CD6: variants seen among roughly 807,000 people sequenced by gnomAD.
The protein encoded by CD6 is CD6 molecule.
In CD6, 53 loss-of-function variants were observed where a neutral mutation model predicts 75.3. The ratio of observed to expected loss-of-function variants is 0.70; its 90% CI spans 0.56 to 0.88. The LOEUF (loss-of-function observed/expected upper bound fraction) is 0.88. Ranked by LOEUF, CD6 falls within the 40% of genes least tolerant of loss-of-function variation. CD6 has a pLI of 0.00. For missense variants in CD6, 770 were observed against 897.1 expected, an observed-to-expected ratio of 0.86 and a Z score of 1.81; for synonymous variants, 359 against 381.5, an observed-to-expected ratio of 0.94 and a Z score of 0.69.
At chr11:61,012,686 C>G (rs1859206810) in intron 6 of CD6, among the ~76,000 whole-genome samples, 1 of 152,144 alleles carries the variant, frequency 6.6e-6, no homozygotes, top group Non-Finnish European at 1.5e-5. Context: ...CATTCTTGTG[C>G]TTCACATTCT....
In CD6 at chr11:61,018,402, AT is replaced by A; in HGVS notation, c.1942+10del. 6.3e-7 allele frequency: 1 copy of A among 1,576,724 alleles called. No homozygotes were observed. The highest frequency in any genetic ancestry group is 1.8e-5 in the Admixed American group (1 of 55,028). ...GCAGTTTGGCTGTCCAGGTGCCAAT[AT>A]CTGGGGAAGGGATGTGGGAGGGGGA... On this transcript the variant is annotated intron_variant, in intron 12 of 12. Coordinates refer to ENST00000313421, the MANE Select transcript of CD6 (RefSeq NM_006725.5).
At chr11:60,998,934 G>A (rs576926814) in intron 1 of CD6, among the ~76,000 whole-genome samples, 114 of 151,884 alleles carry the variant, frequency 7.5e-4, no homozygotes, top group African/African-American at 2.6e-3. Context: ...CAAGGCAGGC[G>A]GATCACCTGA....
chr11:60,979,771 C>T (rs118145034), intron 1 of CD6, among the ~76,000 whole-genome samples: 4,105 of 152,256 alleles, frequency 0.027, 71 homozygotes, highest in South Asian at 0.061. Context: ...TGTGCCTGGC[C>T]TAGGCTCCAT....
intron 1 of CD6, among the ~76,000 whole-genome samples, chr11:61,004,226 A>T (rs143673015): frequency 6.6e-6 from 1 of 152,086 alleles, no homozygotes; most frequent in Non-Finnish European, 1.5e-5. Context: ...AGTCCCTCAC[A>T]CACACTCATA....
chr11:60,996,732 C>T (rs768067769), intron 1 of CD6, among the ~76,000 whole-genome samples: 1 of 152,242 alleles, frequency 6.6e-6, no homozygotes, highest in African/African-American at 2.4e-5. Context: ...CCTGTCCTGG[C>T]AGTGCTCCAG....
chr11:60,993,891 G>T (rs1193968304), intron 1 of CD6, among the ~76,000 whole-genome samples: 1 of 152,206 alleles, frequency 6.6e-6, no homozygotes, highest in East Asian at 1.9e-4. Flanking sequence ...GCTTTCAGGA[G>T]AACATGGCTC....
At chr11:60,978,713 C>A (rs539738313) in intron 1 of CD6, among the ~76,000 whole-genome samples, 10 of 152,294 alleles carry the variant, frequency 6.6e-5, no homozygotes, top group Admixed American at 3.3e-4. Flanking sequence ...ACTGTATCAA[C>A]CCCAGCCGGC....
rs770195748 is a variant in CD6 at position 61,006,576 on chromosome 11, C to T, written c.52C>T (p.His18Tyr). ...TGLLTAALSGHPSPAPPDQLN... is the reference protein window; with the variant it reads ...TGLLTAALSGYPSPAPPDQLN... The stretch of plus-strand genomic sequence containing the variant: ...ATGCTGCTGCTGGTTCATTTCAGGT[C>T]ATCCATCTCCAGCCCCACCTGACCA... The change falls in exon 2 of 13, where the codon CAT (histidine) becomes TAT (tyrosine). Residue 18 changes from histidine (H) to tyrosine (Y), a missense_variant and splice_region_variant. His to Tyr is a moderately conservative substitution (Grantham distance 83, BLOSUM62 2). Coordinates refer to ENST00000313421, the MANE Select transcript of CD6 (RefSeq NM_006725.5). 1.0e-5 allele frequency: 16 copies of T among 1,603,858 alleles called. No individual in the cohort carries two copies. Among genetic ancestry groups the T allele is most frequent in the South Asian group, 5.7e-5 (5 of 88,422 alleles).
Position 61,009,864 on chromosome 11 carries a change from C to G in CD6, c.1074C>G (p.Val358=). The G allele has an allele frequency of 6.4e-7, 1 of 1,558,744 alleles. No individual in the cohort carries two copies. ...GCAGCCAGTCGCTGGCAGCCAGGGT[C>G]CTCTGCTCAGGTACCCCATCCTACT... ...NLCSQSLAAR[V]LCSASRSLHN... Residue 358 remains valine, a synonymous_variant, in exon 5 of 13, where the codon GTC becomes GTG. Transcript: ENST00000313421.
At chr11:61,010,228 C>T (rs768352010) in intron 5 of CD6, among the ~76,000 whole-genome samples, 3 of 152,080 alleles carry the variant, frequency 2.0e-5, no homozygotes, top group Non-Finnish European at 4.4e-5. Context: ...TCGGTGACAG[C>T]TTCTGGAACC....
chr11:61,013,938 C>A lies in CD6; in HGVS notation c.1311C>A (p.Asn437Lys), dbSNP rs758532281. 1 of 1,612,788 alleles carries A rather than the reference C, an allele frequency of 6.2e-7. No individual in the cohort carries two copies. The highest frequency in any genetic ancestry group is 1.1e-5 in the South Asian group (1 of 90,854). The change falls in exon 8 of 13, where the codon AAC (asparagine) becomes AAA (lysine). Residue 437 changes from asparagine to lysine, a missense_variant. By Grantham distance (94) the Asn-to-Lys change is moderately conservative. Coordinates refer to ENST00000313421, the MANE Select transcript of CD6 (RefSeq NM_006725.5). ...KGKYALPVMV[N>K]HQHLPTTIPA... ...CCTCAGCCCTCCCCGTAATGGTGAA[C>A]CACCAGCACCTACCCACCACCATCC...
At chr11:60,997,734 A>T (rs1286175745) in intron 1 of CD6, among the ~76,000 whole-genome samples, 1 of 152,232 alleles carries the variant, frequency 6.6e-6, no homozygotes, top group African/African-American at 2.4e-5. Context: ...TGGCCATTTG[A>T]AAAGGTTTTC....
intron 1 of CD6, among the ~76,000 whole-genome samples, chr11:61,005,365 G>A (rs1270819350): frequency 1.3e-5 from 2 of 152,146 alleles, no homozygotes; most frequent in Non-Finnish European, 2.9e-5. Context: ...ACCTCACAGG[G>A]GGGGCCAGAG....
intron 9 of CD6, chr11:61,017,267 T>A: frequency 1.7e-6 from 1 of 575,394 alleles, no homozygotes; most frequent in Non-Finnish European, 3.1e-6. Flanking sequence ...GGCACTAGAG[T>A]TTCTGTCCCC....
chr11:60,993,571 C>T (rs1858153266), intron 1 of CD6, among the ~76,000 whole-genome samples: 1 of 152,116 alleles, frequency 6.6e-6, no homozygotes, highest in Non-Finnish European at 1.5e-5. Context: ...ATGCCCAGTG[C>T]CAGGTTAAAG....
chr11:61,002,793 A>G (rs1858646701), intron 1 of CD6, among the ~76,000 whole-genome samples: 2 of 152,208 alleles, frequency 1.3e-5, no homozygotes, highest in African/African-American at 2.4e-5. Context: ...GCATCATAAC[A>G]CAATGGAAGG....
chr11:60,998,765 G>GA (rs1356423857), intron 1 of CD6, among the ~76,000 whole-genome samples: 2 of 146,746 alleles, frequency 1.4e-5, no homozygotes, highest in African/African-American at 2.5e-5. Context: ...GTCCCCCCAG[G>GA]AAAAAAGCCC....
At chr11:60,973,182 A>T (rs1405792312) in intron 1 of CD6, among the ~76,000 whole-genome samples, 1 of 152,146 alleles carries the variant, frequency 6.6e-6, no homozygotes, top group Non-Finnish European at 1.5e-5. Context: ...GCTTCCCAGC[A>T]GGAATGAGGG....
intron 1 of CD6, among the ~76,000 whole-genome samples, chr11:60,997,088 AT>A (rs946465748): frequency 1.7e-4 from 26 of 152,088 alleles, no homozygotes; most frequent in African/African-American, 6.3e-4. Context: ...ATAATTTTAA[AT>A]TTTTGGCTGG....
Sources: gnomAD v4.1 joint callset for allele counts (sites outside exome capture counted in the v4.1 genomes callset) on GRCh38, gnomAD v4.1.1 for gene constraint, MANE v1.5 for transcripts, NCBI Gene and HGNC (gene_info 2026-07-23, HGNC 2026-07-21) for gene names.